Variants in CSMD1 observed in about 807,000 individuals in gnomAD.
CSMD1 encodes the protein CUB and sushi domain-containing protein 1.
CSMD1 carries 213 observed loss-of-function variants against 417.5 expected under a neutral mutation model. The ratio of observed to expected loss-of-function variants is 0.51; its 90% CI spans 0.46 to 0.57. The LOEUF (loss-of-function observed/expected upper bound fraction) is 0.57. Among genes scored for constraint, CSMD1 ranks in the 20% least tolerant of loss-of-function variants. CSMD1 has a pLI of 0.00. For missense variants in CSMD1, 6,923 were observed against 4,529.7 expected (o/e 1.53, Z -15.17); for synonymous variants, 2,862 against 1,736.8 (o/e 1.65, Z -16.11).
At chr8:3,660,720 C>T (rs1798372291) in intron 7 of CSMD1, among the ~76,000 whole-genome samples, 1 of 140,550 alleles carries the variant, frequency 7.1e-6, no homozygotes, top group Non-Finnish European at 1.6e-5. Context: ...AGGGTTTCAC[C>T]ATGTTGGTCA....
At chr8:4,229,737 G>T (rs868185163) in intron 3 of CSMD1, among the ~76,000 whole-genome samples, 4 of 151,996 alleles carry the variant, frequency 2.6e-5, no homozygotes, top group African/African-American at 9.7e-5. Context: ...ATCCTCTGCC[G>T]TCCTGCTTCT....
chr8:3,019,244 C>T (rs2128969178), intron 51 of CSMD1, among the ~76,000 whole-genome samples: 1 of 151,898 alleles, frequency 6.6e-6, no homozygotes, highest in African/African-American at 2.4e-5. Context: ...TATTACCATC[C>T]TGACAGGTAT....
intron 8 of CSMD1, among the ~76,000 whole-genome samples, chr8:3,593,885 G>C (rs1188225707): frequency 2.0e-5 from 3 of 151,776 alleles, no homozygotes; most frequent in Non-Finnish European, 4.4e-5. Context: ...CATCTTACTT[G>C]ATTTTCACAT....
At chr8:3,707,099 G>A (rs1173276101) in intron 7 of CSMD1, among the ~76,000 whole-genome samples, 2 of 152,050 alleles carry the variant, frequency 1.3e-5, no homozygotes, top group African/African-American at 4.8e-5. Flanking sequence ...TTACCTCTCT[G>A]TCCTCTCAAC....
intron 12 of CSMD1, among the ~76,000 whole-genome samples, chr8:3,433,784 A>G (rs1472141761): frequency 6.6e-6 from 1 of 152,222 alleles, no homozygotes. Flanking sequence ...ACTTCAGAGC[A>G]GATTCACCAG....
At chr8:4,450,167 G>A (rs146238195) in intron 2 of CSMD1, among the ~76,000 whole-genome samples, 234 of 152,212 alleles carry the variant, frequency 1.5e-3, no homozygotes, top group African/African-American at 4.7e-3. Flanking sequence ...GTTGATATAC[G>A]TAGAGTAAAA....
At chr8:4,738,128 A>G (rs186875994) in intron 1 of CSMD1, among the ~76,000 whole-genome samples, 58 of 152,330 alleles carry the variant, frequency 3.8e-4, no homozygotes, top group Non-Finnish European at 6.6e-4. Flanking sequence ...TTTTCTGTGC[A>G]AGGTCTCAAA....
intron 11 of CSMD1, among the ~76,000 whole-genome samples, chr8:3,490,070 C>T (rs1818282506): frequency 6.6e-6 from 1 of 152,156 alleles, no homozygotes; most frequent in Non-Finnish European, 1.5e-5. Context: ...CGATGTATCG[C>T]CTAAAATTAT....
intron 5 of CSMD1, among the ~76,000 whole-genome samples, chr8:3,932,537 C>A (rs573190680): frequency 2.0e-5 from 3 of 148,344 alleles, no homozygotes; most frequent in Non-Finnish European, 4.4e-5. Flanking sequence ...ATCAATCAAG[C>A]CCCACAATTA....
intron 7 of CSMD1, among the ~76,000 whole-genome samples, chr8:3,668,708 G>A (rs1314414708): frequency 6.6e-6 from 1 of 152,162 alleles, no homozygotes. Flanking sequence ...TAGACACAGA[G>A]ATGGATGAGT....
At chr8:3,991,841 A>G (rs1022374264) in intron 5 of CSMD1, among the ~76,000 whole-genome samples, 1 of 152,300 alleles carries the variant, frequency 6.6e-6, no homozygotes, top group East Asian at 1.9e-4. Flanking sequence ...GGATGGTTGA[A>G]TATTTAACTA....
intron 7 of CSMD1, among the ~76,000 whole-genome samples, chr8:3,640,290 T>C (rs1797245241): frequency 6.6e-6 from 1 of 152,304 alleles, no homozygotes; most frequent in East Asian, 1.9e-4. Flanking sequence ...TTTTGGAACA[T>C]TTAGTCTCCA....
chr8:3,502,958 G>C (rs1011721339), intron 10 of CSMD1, among the ~76,000 whole-genome samples: 2 of 152,110 alleles, frequency 1.3e-5, no homozygotes, highest in African/African-American at 4.8e-5. Flanking sequence ...ATCTGGTGAG[G>C]ATGCTTACAG....
chr8:4,820,181 A>G (rs1799440474), intron 1 of CSMD1, among the ~76,000 whole-genome samples: 1 of 152,136 alleles, frequency 6.6e-6, no homozygotes, highest in African/African-American at 2.4e-5. Flanking sequence ...AGCTGCATTT[A>G]GGCAGCATCC....
chr8:3,651,397 A>G (rs1373764888), intron 7 of CSMD1, among the ~76,000 whole-genome samples: 2 of 152,086 alleles, frequency 1.3e-5, no homozygotes, highest in Non-Finnish European at 2.9e-5. Flanking sequence ...TATGGAAGCC[A>G]TGGCCCTTCA....
chr8:4,992,852 C>G (rs1207890730), intron 1 of CSMD1, among the ~76,000 whole-genome samples: 1 of 152,202 alleles, frequency 6.6e-6, no homozygotes. Context: ...GCTTGGGTGA[C>G]TAAGACCCAC....
At chr8:3,040,375 TA>T (rs1468692950) in intron 50 of CSMD1, among the ~76,000 whole-genome samples, 1 of 125,314 alleles carries the variant, frequency 8.0e-6, no homozygotes, top group Non-Finnish European at 1.6e-5. Flanking sequence ...GTAGATAGCA[TA>T]TACACATTGA....
intron 3 of CSMD1, among the ~76,000 whole-genome samples, chr8:4,329,787 G>C (rs1799764743): frequency 6.6e-6 from 1 of 151,962 alleles, no homozygotes; most frequent in African/African-American, 2.4e-5. Flanking sequence ...TGATGAGTGA[G>C]CTTTTGCTCC....
rs1039232221 is a variant in CSMD1 at position 4,381,685 on chromosome 8, G to C, written c.415+38268C>G. 3.9e-5 allele frequency among the ~76,000 whole-genome samples: 6 copies of C among 152,302 alleles called. No individual in the cohort carries two copies. In the Middle Eastern group the frequency reaches 0.014, roughly 345 times the overall value. On this transcript the variant is annotated intron_variant, in intron 3 of 69. Transcript: ENST00000635120. ...CATTCCCCAGTGTTGTGTGGGAGAA[G>C]CAGATGCGTCAACATCTCCAAAGTT...
Sources: gnomAD v4.1 joint callset for allele counts (sites outside exome capture counted in the v4.1 genomes callset) on GRCh38, gnomAD v4.1.1 for gene constraint, MANE v1.5 for transcripts, NCBI Gene and HGNC (gene_info 2026-07-23, HGNC 2026-07-21) for gene names.